The following SDCCAG8 variants were observed in gnomAD, a reference collection of about 807,000 sequenced individuals.
The protein encoded by SDCCAG8 is SHH signaling and ciliogenesis regulator SDCCAG8, also known as serologically defined colon cancer antigen 8.
A neutral mutation model predicts 101.8 loss-of-function variants in SDCCAG8; 74 were observed. The observed-to-expected ratio is 0.73, with a 90% CI of 0.60 to 0.88. The LOEUF is 0.88. Ranked by LOEUF, SDCCAG8 falls within the 40% of genes least tolerant of loss-of-function variation. SDCCAG8 has a pLI of 0.00. For missense variants in SDCCAG8, 787 were observed against 822.6 expected (o/e 0.96, Z 0.53); for synonymous variants, 281 against 292.9 (o/e 0.96, Z 0.41).
intron 12 of SDCCAG8, among the ~76,000 whole-genome samples, chr1:243,376,294 T>C (rs1382783395): frequency 6.6e-6 from 1 of 152,194 alleles, no homozygotes; most frequent in Non-Finnish European, 1.5e-5. Context: ...ACAACAGCTT[T>C]AGAAGCTTGT....
At chr1:243,410,478 G>GC (rs1286190098) in intron 13 of SDCCAG8, among the ~76,000 whole-genome samples, 5 of 152,020 alleles carry the variant, frequency 3.3e-5, no homozygotes, top group African/African-American at 1.2e-4. Flanking sequence ...CTATCACAAA[G>GC]CTCACAAAAT....
intron 10 of SDCCAG8, among the ~76,000 whole-genome samples, chr1:243,340,495 A>T (rs1445371515): frequency 6.6e-6 from 1 of 152,132 alleles, no homozygotes; most frequent in South Asian, 2.1e-4. Flanking sequence ...ATGAGAAATG[A>T]GGGAGAACTA....
intron 16 of SDCCAG8, among the ~76,000 whole-genome samples, chr1:243,475,384 G>T (rs1421376547): frequency 1.3e-5 from 2 of 152,220 alleles, no homozygotes; most frequent in African/African-American, 4.8e-5. Flanking sequence ...GGCCTGTGGT[G>T]TGAGGGGTGA....
intron 17 of SDCCAG8, among the ~76,000 whole-genome samples, chr1:243,497,588 G>A (rs1047881991): frequency 4.6e-5 from 7 of 152,126 alleles, no homozygotes; most frequent in Non-Finnish European, 1.0e-4. Flanking sequence ...GTGATAAATT[G>A]CTAGGTGGCC....
At chr1:243,434,375 TAA>T (rs2081999514) in intron 16 of SDCCAG8, among the ~76,000 whole-genome samples, 1 of 152,268 alleles carries the variant, frequency 6.6e-6, no homozygotes, top group Non-Finnish European at 1.5e-5. Context: ...AACATGCTAT[TAA>T]GAGCAAATTA....
At chr1:243,297,675 C>T (rs1046280362) in intron 6 of SDCCAG8, among the ~76,000 whole-genome samples, 1 of 152,114 alleles carries the variant, frequency 6.6e-6, no homozygotes, top group Non-Finnish European at 1.5e-5. Flanking sequence ...TTTGCATTTC[C>T]CTAACTACTA....
chr1:243,269,725 G>A (rs1023568520), intron 1 of SDCCAG8, among the ~76,000 whole-genome samples: 4 of 151,992 alleles, frequency 2.6e-5, no homozygotes, highest in African/African-American at 4.8e-5. Context: ...TGCTCCTTTC[G>A]TCCCCCTCTG....
chr1:243,344,126 T>C lies in SDCCAG8; in HGVS notation c.1357-89T>C, dbSNP rs998311765. The C allele has an allele frequency of 1.6e-5, 16 of 993,180 alleles. No homozygotes were observed. The East Asian group carries it at 3.6e-4, about 22-fold the overall frequency. 61.5% of individuals were successfully genotyped at this position (993,180 alleles called of 1,614,324 possible). A position where few individuals can be genotyped will look rare whatever the true frequency, so the allele number is the denominator to read the frequency against. ...AAAGTTTTGTTGTATTTTATCTATATGACCTCTAGGGGGCACCAAAAGATC... is the reference window on the plus strand; with the variant it reads ...AAAGTTTTGTTGTATTTTATCTATACGACCTCTAGGGGGCACCAAAAGATC... On this transcript the variant is annotated intron_variant, in intron 11 of 17. Coordinates refer to ENST00000366541, the MANE Select transcript of SDCCAG8 (RefSeq NM_006642.5).
In SDCCAG8 at chr1:243,426,498, A is replaced by G; in HGVS notation, c.1925A>G (p.Asn642Ser). Residue 642 changes from asparagine to serine, a missense_variant, in exon 16 of 18, where the codon AAT becomes AGT. Coordinates refer to ENST00000366541, the MANE Select transcript of SDCCAG8 (RefSeq NM_006642.5). The part of the protein sequence containing the change: ...YDKLGKLQRR[N>S]EELEEQCVQH... Reference sequence around the variant, plus strand: ...AAATTGGGAAAGTTACAGAGAAGAAATGAAGAATTGGAGGAACAGTGTGTC... The same window carrying G: ...AAATTGGGAAAGTTACAGAGAAGAAGTGAAGAATTGGAGGAACAGTGTGTC... 6.2e-7 allele frequency: 1 copy of G among 1,614,052 alleles called. No individual in the cohort carries two copies. Among genetic ancestry groups the G allele is most frequent in the Non-Finnish European group, 8.5e-7 (1 of 1,179,926 alleles).
intron 16 of SDCCAG8, among the ~76,000 whole-genome samples, chr1:243,459,514 G>A (rs569550607): frequency 2.0e-5 from 3 of 152,106 alleles, no homozygotes; most frequent in South Asian, 2.1e-4. Context: ...CTTGGGGGGT[G>A]GGGGGTGGAA....
At chr1:243,432,511 G>A (rs10927017) in intron 16 of SDCCAG8, among the ~76,000 whole-genome samples, 25,270 of 151,950 alleles carry the variant, frequency 0.17, 2,279 homozygotes, top group African/African-American at 0.22. Context: ...ATACCTGCAC[G>A]TATACCCCTG....
At chr1:243,281,276 CTTTTT>C (rs534697165) in intron 4 of SDCCAG8, among the ~76,000 whole-genome samples, 2 of 133,444 alleles carry the variant, frequency 1.5e-5, no homozygotes, top group African/African-American at 5.5e-5. Context: ...TTATAATTGG[CTTTTT>C]TTTTTGTTTT....
chr1:243,274,708 C>T, intron 4 of SDCCAG8, 52 bp downstream of exon 4: 1 of 1,064,992 alleles, frequency 9.4e-7, no homozygotes, highest in Non-Finnish European at 1.4e-6. Flanking sequence ...CTTATATTAA[C>T]TATAGATTGT....
At chr1:243,334,630 CA>C (rs1207926528) in intron 10 of SDCCAG8, among the ~76,000 whole-genome samples, 13 of 152,108 alleles carry the variant, frequency 8.5e-5, no homozygotes, top group African/African-American at 3.1e-4. Context: ...CTCACTCTGT[CA>C]CCCAGGCTGG....
At chr1:243,296,535 C>CTTTTTTTTTTTTTTTTTTTTTT (rs756242066) in intron 6 of SDCCAG8, among the ~76,000 whole-genome samples, 1 of 57,944 alleles carries the variant, frequency 1.7e-5, no homozygotes, top group African/African-American at 7.4e-5. Flanking sequence ...CCCAACTGCT[C>CTTTTTTTTTTTTTTTTTTTTTT]TTTTTTTTTT....
At chr1:243,476,887 T>C (rs1294415466) in intron 16 of SDCCAG8, among the ~76,000 whole-genome samples, 1 of 152,140 alleles carries the variant, frequency 6.6e-6, no homozygotes, top group Non-Finnish European at 1.5e-5. Context: ...TGACTGTAGT[T>C]GGTAATATAC....
rs537345029 is a variant in SDCCAG8 at position 243,444,189 on chromosome 1, T to C, written c.1985+17631T>C. 1.7e-4 allele frequency among the ~76,000 whole-genome samples: 26 copies of C among 152,276 alleles called. 2 individuals are homozygous for C. Among genetic ancestry groups the C allele is most frequent in the Admixed American group, 1.7e-3 (26 of 15,296 alleles). On this transcript the variant is annotated intron_variant, in intron 16 of 17. Transcript: ENST00000366541. ...ACACCATTTTAATTAATAATTAAAA[T>C]GAAAGAAGCAGCAAAACAATATGTG...
chr1:243,470,295 G>A (rs559009164), intron 16 of SDCCAG8, among the ~76,000 whole-genome samples: 8 of 152,172 alleles, frequency 5.3e-5, no homozygotes, highest in South Asian at 4.2e-4. Flanking sequence ...CATCCTGGCC[G>A]TCATCACTCA....
intron 16 of SDCCAG8, among the ~76,000 whole-genome samples, chr1:243,481,839 C>G (rs1025387130): frequency 5.9e-5 from 9 of 152,104 alleles, no homozygotes; most frequent in African/African-American, 2.2e-4. Flanking sequence ...CACTGTAGTC[C>G]GTAGGTAGCT....
Sources: allele counts gnomAD v4.1 joint callset (sites outside exome capture counted in the v4.1 genomes callset), GRCh38; gene constraint gnomAD v4.1.1; transcripts MANE v1.5; gene names NCBI Gene and HGNC (gene_info 2026-07-23, HGNC 2026-07-21).